The following PPIP5K2 variants were observed in gnomAD, a reference collection of about 807,000 sequenced individuals.
The protein encoded by PPIP5K2 is inositol hexakisphosphate and diphosphoinositol-pentakisphosphate kinase 2.
Under a neutral mutation model 154.6 loss-of-function variants are expected in PPIP5K2, and 105 were observed. The ratio of observed to expected loss-of-function variants is 0.68; its 90% CI spans 0.58 to 0.80. PPIP5K2 has a LOEUF of 0.80. Among genes scored for constraint, PPIP5K2 ranks in the 30% least tolerant of loss-of-function variants. PPIP5K2 has a pLI of 0.00. For missense variants in PPIP5K2, 992 were observed against 1,504.6 expected (o/e 0.66, Z 5.64); for synonymous variants, 480 against 490.3 (o/e 0.98, Z 0.28).
Position 103,168,241 on chromosome 5 carries a change from C to T in PPIP5K2, c.2232C>T (p.Asn744=), listed in dbSNP as rs1178179886. 2 of 1,609,640 alleles carry T rather than the reference C, an allele frequency of 1.2e-6. No individual in the cohort carries two copies. Among genetic ancestry groups the T allele is most frequent in the Admixed American group, 1.7e-5 (1 of 59,778 alleles). Residue 744 remains asparagine, a synonymous_variant, in exon 19 of 31, where the codon AAC becomes AAT. Coordinates refer to ENST00000358359, the MANE Select transcript of PPIP5K2 (RefSeq NM_001276277.3). ...VQHNGSLKLE[N]TMELYRLSKA... ...ATAATGGTTCCTTGAAATTAGAAAA[C>T]ACAATGGAATTATATAGGCTTTCGA...
Position 103,207,200 on chromosome 5 carries a change from T to C in PPIP5K2, c.*5566T>C, listed in dbSNP as rs1554232332. The C allele has an allele frequency of 6.6e-6, 1 of 152,228 alleles. No individual in the cohort carries two copies. Among genetic ancestry groups the C allele is most frequent in the Non-Finnish European group, 1.5e-5 (1 of 68,046 alleles). The allele number at this position is 152,228 out of a possible 1,614,324, so 9.4% of individuals were successfully genotyped here. On this transcript the variant is annotated 3_prime_UTR_variant, in exon 31 of 31. Coordinates refer to ENST00000358359, the MANE Select transcript of PPIP5K2 (RefSeq NM_001276277.3). ...AGCCTGTCAGGCAAAGCCTTTGTAATTGCTTATGGTCAGGCCTGAAAGATC... is the reference window on the plus strand; with the variant it reads ...AGCCTGTCAGGCAAAGCCTTTGTAACTGCTTATGGTCAGGCCTGAAAGATC...
intron 28 of PPIP5K2, among the ~76,000 whole-genome samples, chr5:103,189,495 C>T (rs911542139): frequency 5.9e-5 from 9 of 152,096 alleles, no homozygotes; most frequent in Non-Finnish European, 4.4e-5. Context: ...AAAGGGTTTG[C>T]GCTCATTTGC....
chr5:103,182,139 T>A (rs1799641423), intron 24 of PPIP5K2, among the ~76,000 whole-genome samples: 1 of 152,188 alleles, frequency 6.6e-6, no homozygotes, highest in African/African-American at 2.4e-5. Flanking sequence ...GGCAGTGATT[T>A]TGATGTGTTA....
At chr5:103,139,226 T>G (rs1554205551) in intron 5 of PPIP5K2, among the ~76,000 whole-genome samples, 1 of 152,188 alleles carries the variant, frequency 6.6e-6, no homozygotes, top group African/African-American at 2.4e-5. Flanking sequence ...TCACACTTAG[T>G]ATTGTGGGGA....
At position 103,167,284 on chromosome 5, in the gene PPIP5K2, C is replaced by A; in HGVS notation, c.2026C>A (p.Gln676Lys). ...VYSLIQSLTS[Q>K]IRHRMEDPKS... ...TTCCTTAATTCAGAGTTTGACTTCT[C>A]AAATCAGACATCGAATGGAAGATCC... Residue 676 changes from glutamine (Q) to lysine (K), a missense_variant, in exon 18 of 31, where the codon CAA becomes AAA. Gln to Lys is a moderately conservative substitution (Grantham distance 53). Coordinates refer to ENST00000358359, the MANE Select transcript of PPIP5K2 (RefSeq NM_001276277.3). 4 of 1,587,496 alleles carry A rather than the reference C, an allele frequency of 2.5e-6. No homozygotes were observed. Among genetic ancestry groups the A allele is most frequent in the Non-Finnish European group, 2.6e-6 (3 of 1,167,124 alleles).
intron 28 of PPIP5K2, 120 bp downstream of exon 28, chr5:103,187,496 C>A: frequency 1.4e-6 from 1 of 736,706 alleles, no homozygotes; most frequent in South Asian, 2.1e-5. Context: ...TGTCAATTGG[C>A]GTACAATTCC....
intron 7 of PPIP5K2, among the ~76,000 whole-genome samples, chr5:103,148,766 G>A (rs1274392439): frequency 6.6e-6 from 1 of 151,490 alleles, no homozygotes; most frequent in Non-Finnish European, 1.5e-5. Flanking sequence ...CTCAGATTAT[G>A]CCCTCACCCT....
intron 3 of PPIP5K2, among the ~76,000 whole-genome samples, chr5:103,135,348 T>C (rs1385016115): frequency 6.6e-6 from 1 of 152,192 alleles, no homozygotes; most frequent in East Asian, 1.9e-4. Flanking sequence ...GAACCAGGAT[T>C]TGAACGCTGG....
chr5:103,143,086 T>C (rs1793124325), intron 5 of PPIP5K2, among the ~76,000 whole-genome samples: 1 of 152,164 alleles, frequency 6.6e-6, no homozygotes, highest in Non-Finnish European at 1.5e-5. Context: ...GTCATCAATT[T>C]AAAATAATTG....
chr5:103,136,933 T>C, intron 4 of PPIP5K2, 111 bp downstream of exon 4: 1 of 747,686 alleles, frequency 1.3e-6, no homozygotes, highest in South Asian at 1.7e-5. Flanking sequence ...CATTGTACTT[T>C]CAAAATAATA....
rs1800553686 is a variant in PPIP5K2, at chr5:103,187,357, TG to T, written c.3334del (p.Ala1112LeufsTer20). Reference sequence around the variant, plus strand: ...CTGTTAAAAGGTTTTCTATCTCATTTGCTCGACACCCAACCAATGGTACGTT... The same window carrying T: ...CTGTTAAAAGGTTTTCTATCTCATTTCTCGACACCCAACCAATGGTACGTT... ...SAVKRFSISF[A>X]RHPTNGFELY... is the part of the protein sequence containing the mutation. On this transcript the variant is annotated frameshift_variant, in exon 28 of 31. Transcript: ENST00000358359. LOFTEE classifies it high-confidence loss of function. 6.5e-7 allele frequency: 1 copy of T among 1,534,984 alleles called. No homozygotes were observed. The highest frequency in any genetic ancestry group is 2.0e-5 in the Admixed American group (1 of 50,948).
chr5:103,147,582 T>C (rs2149542629), intron 6 of PPIP5K2, among the ~76,000 whole-genome samples: 1 of 151,976 alleles, frequency 6.6e-6, no homozygotes, highest in South Asian at 2.1e-4. Context: ...AACCTAAACA[T>C]ACATTGATAG....
At position 103,206,518 on chromosome 5, in the gene PPIP5K2, T is replaced by C. The variant is rs1231535731; in HGVS notation, c.*4884T>C. ...CCCTAGAGCAGATGATGGAGTCAGTTTTTCCGAAAAGCCTCAGCACTGTTG... is the reference window on the plus strand; with the variant it reads ...CCCTAGAGCAGATGATGGAGTCAGTCTTTCCGAAAAGCCTCAGCACTGTTG... On this transcript the variant is annotated 3_prime_UTR_variant, in exon 31 of 31. Coordinates refer to ENST00000358359, the MANE Select transcript of PPIP5K2 (RefSeq NM_001276277.3). The C allele has an allele frequency of 6.6e-6, 1 of 152,150 alleles. No homozygotes were observed. The highest frequency in any genetic ancestry group is 1.5e-5 in the Non-Finnish European group (1 of 68,050). The allele number at this position is 152,150 out of a possible 1,614,324, so 9.4% of individuals were successfully genotyped here.
intron 26 of PPIP5K2, among the ~76,000 whole-genome samples, chr5:103,185,647 C>T (rs1363539203): frequency 6.6e-6 from 1 of 152,004 alleles, no homozygotes; most frequent in African/African-American, 2.4e-5. Context: ...ACTTTTGCTA[C>T]AAATTGAGCA....
intron 8 of PPIP5K2, among the ~76,000 whole-genome samples, chr5:103,150,874 A>C (rs1185558930): frequency 3.5e-5 from 4 of 114,196 alleles, no homozygotes; most frequent in Non-Finnish European, 7.1e-5. Flanking sequence ...TTTTATTAAC[A>C]TGGTGTAATT....
At chr5:103,186,003 T>C (rs1554224830) in intron 26 of PPIP5K2, among the ~76,000 whole-genome samples, 1 of 152,086 alleles carries the variant, frequency 6.6e-6, no homozygotes, top group African/African-American at 2.4e-5. Context: ...TCCTAAGTTA[T>C]TTTTATGGCA....
At chr5:103,120,861 A>G in intron 1 of PPIP5K2, 1 of 174,668 alleles carries the variant, frequency 5.7e-6, no homozygotes, top group Non-Finnish European at 1.3e-5. Flanking sequence ...GGCTTTTTAA[A>G]AAATTTTCTG....
At chr5:103,168,363 A>T in intron 19 of PPIP5K2, 68 bp downstream of exon 19, 2 of 1,254,090 alleles carry the variant, frequency 1.6e-6, no homozygotes, top group Non-Finnish European at 2.3e-6. Context: ...CTGTTGGTGG[A>T]TAAAAAGGTA....
chr5:103,193,659 C>T (rs888357542), intron 29 of PPIP5K2, among the ~76,000 whole-genome samples: 5 of 151,932 alleles, frequency 3.3e-5, no homozygotes, highest in African/African-American at 4.8e-5. Context: ...AGATTATTTC[C>T]ATTAGTGACT....
Sources: gnomAD v4.1 joint callset for allele counts (sites outside exome capture counted in the v4.1 genomes callset) on GRCh38, gnomAD v4.1.1 for gene constraint, MANE v1.5 for transcripts, NCBI Gene and HGNC (gene_info 2026-07-23, HGNC 2026-07-21) for gene names.